PCDH9: variants seen among roughly 807,000 people sequenced by gnomAD.
PCDH9 encodes protocadherin-9.
PCDH9 carries 24 observed loss-of-function variants against 70.6 expected under a neutral mutation model. The ratio of observed to expected loss-of-function variants is 0.34; its 90% CI spans 0.25 to 0.48. The LOEUF is 0.48. Ranked by LOEUF, PCDH9 falls within the 20% of genes least tolerant of loss-of-function variation. The probability of loss-of-function intolerance (pLI) is 0.99; values close to 1 mark genes in which losing one functional copy is unlikely to be tolerated. For missense variants in PCDH9, 1,281 were observed against 1,503.6 expected (o/e 0.85, Z 2.45); for synonymous variants, 562 against 558.5 (o/e 1.01, Z -0.09).
intron 4 of PCDH9, among the ~76,000 whole-genome samples, chr13:66,534,252 T>C (rs1289418350): frequency 6.6e-6 from 1 of 152,160 alleles, no homozygotes; most frequent in African/African-American, 2.4e-5. Flanking sequence ...GATGGATTGT[T>C]TTGAGTTGTT....
chr13:67,022,280 G>A (rs765234902), intron 2 of PCDH9, among the ~76,000 whole-genome samples: 6 of 151,664 alleles, frequency 4.0e-5, no homozygotes, highest in Admixed American at 2.0e-4. Flanking sequence ...GCACCACCAC[G>A]CCTGGCTAAT....
intron 4 of PCDH9, among the ~76,000 whole-genome samples, chr13:66,549,711 T>C (rs181278767): frequency 2.7e-4 from 41 of 152,150 alleles, no homozygotes; most frequent in Admixed American, 2.6e-3. Flanking sequence ...ATTTTGTTGG[T>C]TATATGGTAG....
chr13:66,630,155 A>G (rs972269227), intron 4 of PCDH9, among the ~76,000 whole-genome samples: 4 of 151,118 alleles, frequency 2.6e-5, no homozygotes, highest in African/African-American at 9.7e-5. Flanking sequence ...AAGCAAAAAT[A>G]TTTTTTTTTG....
In PCDH9 at chr13:66,304,743, C is replaced by T; in HGVS notation, c.3626G>A (p.Ser1209Asn). ...GSNEGHFNNG[S>N]HMTDIPLANL... ...TGCCAGAGGAATGTCTGTCATGTGG[C>T]TGCCATTGTTGAAATGGCCTTCATT... is the stretch of plus-strand genomic sequence containing the variant. Residue 1209 changes from serine to asparagine, a missense_variant, in exon 5 of 5, where the codon AGC (serine) becomes AAC (asparagine). Coordinates refer to ENST00000377865, the MANE Select transcript of PCDH9 (RefSeq NM_203487.3). The T allele has an allele frequency of 6.2e-7, 1 of 1,613,170 alleles. No homozygotes were observed. The highest frequency in any genetic ancestry group is 8.5e-7 in the Non-Finnish European group (1 of 1,179,420).
chr13:66,460,088 A>T (rs169134), intron 4 of PCDH9, among the ~76,000 whole-genome samples: 149,711 of 151,934 alleles, frequency 0.99, 73,804 homozygotes, highest in Middle Eastern at 1. Flanking sequence ...TACCACTTAA[A>T]TTTTACATGC....
intron 3 of PCDH9, among the ~76,000 whole-genome samples, chr13:66,744,444 C>G (rs1593994137): frequency 1.3e-5 from 2 of 151,970 alleles, no homozygotes; most frequent in Admixed American, 1.3e-4. Flanking sequence ...TTGAAAAGTC[C>G]GAAACTAAAT....
intron 3 of PCDH9, among the ~76,000 whole-genome samples, chr13:66,822,628 G>A (rs2080733786): frequency 6.6e-6 from 1 of 151,536 alleles, no homozygotes; most frequent in African/African-American, 2.4e-5. Context: ...TGGGTTCAAG[G>A]GATTATCTGG....
intron 2 of PCDH9, among the ~76,000 whole-genome samples, chr13:67,108,878 G>A (rs1210347391): frequency 6.6e-6 from 1 of 152,006 alleles, no homozygotes; most frequent in Non-Finnish European, 1.5e-5. Flanking sequence ...TGTAATATGG[G>A]CCCATAGAGC....
At chr13:66,350,376 T>C (rs973672524) in intron 4 of PCDH9, among the ~76,000 whole-genome samples, 6 of 152,324 alleles carry the variant, frequency 3.9e-5, no homozygotes, top group Admixed American at 3.9e-4. Flanking sequence ...GTTTCTTCAT[T>C]TGACTTGGAG....
chr13:66,775,225 T>C (rs1253742730), intron 3 of PCDH9, among the ~76,000 whole-genome samples: 1 of 152,226 alleles, frequency 6.6e-6, no homozygotes, highest in Non-Finnish European at 1.5e-5. Context: ...AAGCATGTAG[T>C]AAAATTAAAT....
chr13:66,753,869 T>C (rs1313384387), intron 3 of PCDH9, among the ~76,000 whole-genome samples: 1 of 152,106 alleles, frequency 6.6e-6, no homozygotes, highest in Non-Finnish European at 1.5e-5. Context: ...AAAACACACA[T>C]GGGGATGAAT....
intron 3 of PCDH9, among the ~76,000 whole-genome samples, chr13:66,831,956 A>G (rs1380143398): frequency 6.6e-6 from 1 of 152,142 alleles, no homozygotes; most frequent in African/African-American, 2.4e-5. Flanking sequence ...TTTTTAGGGG[A>G]CATAACATTG....
At chr13:66,479,685 T>C (rs1167030015) in intron 4 of PCDH9, among the ~76,000 whole-genome samples, 2 of 151,918 alleles carry the variant, frequency 1.3e-5, no homozygotes, top group African/African-American at 2.4e-5. Flanking sequence ...ACCAATCAGC[T>C]CCCTGTGTCT....
At chr13:66,871,364 T>C (rs1004888147) in intron 3 of PCDH9, among the ~76,000 whole-genome samples, 8 of 151,284 alleles carry the variant, frequency 5.3e-5, no homozygotes, top group Non-Finnish European at 1.0e-4. Flanking sequence ...ATTGTGCACA[T>C]GTACCCTAAA....
At chr13:66,905,603 A>G (rs17587446) in intron 2 of PCDH9, among the ~76,000 whole-genome samples, 3,097 of 152,230 alleles carry the variant, frequency 0.02, 47 homozygotes, top group Non-Finnish European at 0.031. Context: ...TCCGATTTCA[A>G]TCTGATATCT....
At chr13:66,370,360 G>T (rs1007672085) in intron 4 of PCDH9, among the ~76,000 whole-genome samples, 6 of 151,894 alleles carry the variant, frequency 4.0e-5, no homozygotes, top group African/African-American at 1.5e-4. Flanking sequence ...CCCTGCTACA[G>T]TTCTCCAGTA....
intron 2 of PCDH9, among the ~76,000 whole-genome samples, chr13:67,107,587 A>G (rs575277701): frequency 2.0e-5 from 3 of 152,240 alleles, no homozygotes; most frequent in Admixed American, 6.5e-5. Flanking sequence ...ACCTGCCTAC[A>G]AAAAGGAGCT....
At chr13:66,874,981 A>T (rs1594190055) in intron 3 of PCDH9, among the ~76,000 whole-genome samples, 1 of 145,960 alleles carries the variant, frequency 6.9e-6, no homozygotes, top group South Asian at 2.2e-4. Context: ...GATATGTAGA[A>T]GGGGGAGGGA....
intron 2 of PCDH9, among the ~76,000 whole-genome samples, chr13:67,010,923 T>C (rs2084440362): frequency 1.3e-5 from 2 of 152,112 alleles, no homozygotes; most frequent in Non-Finnish European, 2.9e-5. Flanking sequence ...TACCCTTCTA[T>C]GGATTCAAAA....
Sources: allele counts gnomAD v4.1 joint callset (sites outside exome capture counted in the v4.1 genomes callset), GRCh38; gene constraint gnomAD v4.1.1; transcripts MANE v1.5; gene names NCBI Gene and HGNC (gene_info 2026-07-23, HGNC 2026-07-21).